The following OTUD7A variants were observed in gnomAD, a reference collection of about 807,000 sequenced individuals.
OTUD7A encodes OTU domain-containing protein 7A.
In OTUD7A, 12 loss-of-function variants were observed where a neutral mutation model predicts 65.7. The observed-to-expected ratio is 0.18, with a 90% confidence interval of 0.12 to 0.30. The LOEUF is 0.30. Ranked by LOEUF, OTUD7A falls within the 10% of genes least tolerant of loss-of-function variation. The pLI, the probability that OTUD7A is intolerant of heterozygous loss-of-function variation, is 1.00. For missense variants in OTUD7A, 1,148 were observed against 1,304.8 expected, an observed-to-expected ratio of 0.88 and a Z score of 1.85; for synonymous variants, 641 against 586.3, an observed-to-expected ratio of 1.09 and a Z score of -1.35.
At chr15:31,517,609 T>A (rs553532779) in intron 8 of OTUD7A, among the ~76,000 whole-genome samples, 4 of 152,338 alleles carry the variant, frequency 2.6e-5, no homozygotes, top group African/African-American at 9.6e-5. Context: ...TAACATGCTT[T>A]GGGCCCCACA....
At chr15:31,518,129 C>T (rs1442767464) in intron 8 of OTUD7A, among the ~76,000 whole-genome samples, 1 of 152,084 alleles carries the variant, frequency 6.6e-6, no homozygotes. Flanking sequence ...TTGTAGTCAC[C>T]TCACCTATGG....
intron 1 of OTUD7A, among the ~76,000 whole-genome samples, chr15:31,785,429 T>C (rs1045438721): frequency 5.9e-5 from 9 of 152,356 alleles, no homozygotes; most frequent in African/African-American, 1.9e-4. Context: ...ATACTAGCTT[T>C]TCTTTCTTTT....
intron 1 of OTUD7A, among the ~76,000 whole-genome samples, chr15:31,808,136 C>CACACAAA (rs772574742): frequency 5.9e-5 from 7 of 119,514 alleles, no homozygotes; most frequent in African/African-American, 2.0e-4. Context: ...CACACACACA[C>CACACAAA]AAACAAATCC....
intron 3 of OTUD7A, among the ~76,000 whole-genome samples, chr15:31,639,042 G>A (rs527476806): frequency 6.6e-4 from 101 of 152,206 alleles, no homozygotes; most frequent in Non-Finnish European, 1.3e-3. Flanking sequence ...GCTGAGGCAG[G>A]AGAATGGCGT....
intron 1 of OTUD7A, among the ~76,000 whole-genome samples, chr15:31,842,368 T>C (rs12442412): frequency 0.58 from 88,218 of 152,092 alleles, 26,061 homozygotes; most frequent in East Asian, 0.69. Flanking sequence ...TCTACTGCCA[T>C]AAAAAGTGGT....
At chr15:31,534,158 T>C (rs1020784221) in intron 5 of OTUD7A, among the ~76,000 whole-genome samples, 4 of 152,246 alleles carry the variant, frequency 2.6e-5, no homozygotes, top group South Asian at 2.1e-4. Flanking sequence ...CTCATGAATA[T>C]GATGCAAAAT....
intron 10 of OTUD7A, among the ~76,000 whole-genome samples, chr15:31,496,208 T>C (rs1287068134): frequency 6.6e-6 from 1 of 151,756 alleles, no homozygotes; most frequent in East Asian, 1.9e-4. Context: ...ACCAATTTGA[T>C]TGGTATTTGA....
At chr15:31,861,051 T>C (rs1292279246) in intron 1 of OTUD7A, among the ~76,000 whole-genome samples, 2 of 151,900 alleles carry the variant, frequency 1.3e-5, no homozygotes, top group African/African-American at 4.8e-5. Flanking sequence ...CACCTAATTT[T>C]TCCTACCTGT....
At position 31,484,196 on chromosome 15, in the gene OTUD7A, C is replaced by T. The variant is rs1213390390; in HGVS notation, c.1900G>A (p.Ala634Thr). ...AACTTGCGCTCCCCCTGCATGGCGGCGCGCAGGATGTTGAGGCTCAGCTTC... is the reference window on the plus strand; with the variant it reads ...AACTTGCGCTCCCCCTGCATGGCGGTGCGCAGGATGTTGAGGCTCAGCTTC... ...DVKLSLNILRAAMQGERKFIF... is the reference protein window; with the variant it reads ...DVKLSLNILRTAMQGERKFIF... The change falls in exon 13 of 13, where the codon GCC becomes ACC. Residue 634 changes from alanine to threonine, a missense_variant. By Grantham distance (58) the Ala-to-Thr change is moderately conservative. Coordinates refer to ENST00000307050, the MANE Select transcript of OTUD7A (RefSeq NM_001382637.1). The surrounding 1 kb of genome is among the most constrained non-coding windows in gnomAD (Gnocchi z 4.5). The T allele has an allele frequency of 1.9e-6, 3 of 1,609,364 alleles. No individual in the cohort carries two copies. The highest frequency in any genetic ancestry group is 2.2e-5 in the South Asian group (2 of 90,682).
intron 1 of OTUD7A, among the ~76,000 whole-genome samples, chr15:31,694,531 T>C (rs943498300): frequency 6.6e-6 from 1 of 152,230 alleles, no homozygotes; most frequent in African/African-American, 2.4e-5. Flanking sequence ...GTTACAATAG[T>C]TACCATGTTA....
intron 3 of OTUD7A, among the ~76,000 whole-genome samples, chr15:31,606,230 T>C (rs192442852): frequency 4.6e-5 from 7 of 152,328 alleles, no homozygotes; most frequent in African/African-American, 1.7e-4. Flanking sequence ...TGAAACTTTG[T>C]TTAACTATTT....
chr15:31,576,936 G>A lies in OTUD7A; in HGVS notation c.152-6739C>T, dbSNP rs146736664. On this transcript the variant is annotated intron_variant, in intron 3 of 12. Coordinates refer to ENST00000307050, the MANE Select transcript of OTUD7A (RefSeq NM_001382637.1). ...GAGGTCAGACACACCTTGTAATACC[G>A]CCTTTCTTTTGGAGTTTAGACACAA... 4.0e-3 allele frequency among the ~76,000 whole-genome samples: 604 copies of A among 152,072 alleles called. 6 individuals carry two copies. The highest frequency in any genetic ancestry group is 0.014 in the African/African-American group (583 of 41,456).
At chr15:31,633,163 T>A (rs1263097910) in intron 3 of OTUD7A, among the ~76,000 whole-genome samples, 1 of 152,218 alleles carries the variant, frequency 6.6e-6, no homozygotes, top group Non-Finnish European at 1.5e-5. Flanking sequence ...CCTAGTGAGA[T>A]GAGCCTGGTA....
At chr15:31,701,489 G>C (rs2141328353) in intron 1 of OTUD7A, among the ~76,000 whole-genome samples, 1 of 151,988 alleles carries the variant, frequency 6.6e-6, no homozygotes, top group South Asian at 2.1e-4. Context: ...ATTGGCCCTG[G>C]AGGCATCAAA....
rs937745768 is a variant in OTUD7A at position 31,506,041 on chromosome 15, A to AT, written c.894-2224dup. ...ACGTGAGCCACCATGCCTGGCCACA[A>AT]TTTTTTTTTTTACTTATCGAATTAA... is the stretch of plus-strand genomic sequence containing the variant. On this transcript the variant is annotated intron_variant, in intron 8 of 12. Transcript: ENST00000307050. 2.8e-4 allele frequency among the ~76,000 whole-genome samples: 42 copies of AT among 148,628 alleles called. No homozygotes were observed. In the East Asian group the frequency reaches 5.5e-3, roughly 19 times the overall value.
chr15:31,845,812 A>C (rs933867853), intron 1 of OTUD7A, among the ~76,000 whole-genome samples: 1 of 152,198 alleles, frequency 6.6e-6, no homozygotes, highest in Non-Finnish European at 1.5e-5. Flanking sequence ...TGGAGCACAA[A>C]GCGCTTGGAG....
chr15:31,751,588 G>T (rs985692424), intron 1 of OTUD7A, among the ~76,000 whole-genome samples: 11 of 151,996 alleles, frequency 7.2e-5, no homozygotes, highest in Admixed American at 4.6e-4. Context: ...AAAATAAATT[G>T]TACTACCCAA....
intron 10 of OTUD7A, among the ~76,000 whole-genome samples, chr15:31,492,011 T>A (rs1262340041): frequency 6.6e-6 from 1 of 152,172 alleles, no homozygotes; most frequent in East Asian, 1.9e-4. Context: ...GATGTTAAAG[T>A]GCAAGAAATA....
At chr15:31,664,390 G>T (rs1892261234) in intron 1 of OTUD7A, among the ~76,000 whole-genome samples, 3 of 151,468 alleles carry the variant, frequency 2.0e-5, no homozygotes, top group Admixed American at 2.0e-4. Context: ...ATTACATTGT[G>T]GTTTTGATTT....
Sources: gnomAD v4.1 joint callset for allele counts (sites outside exome capture counted in the v4.1 genomes callset) on GRCh38, gnomAD v4.1.1 for gene constraint, Gnocchi (gnomAD v3.1) non-coding constraint, MANE v1.5 for transcripts, NCBI Gene and HGNC (gene_info 2026-07-23, HGNC 2026-07-21) for gene names.